Variants in SMARCC1 observed in about 807,000 individuals in gnomAD.
SMARCC1 encodes SWI/SNF complex subunit SMARCC1.
Under a neutral mutation model 147.4 loss-of-function variants are expected in SMARCC1, and 43 were observed. That is an observed-to-expected ratio of 0.29 (90% CI 0.23 to 0.38). The LOEUF is 0.38. Among genes scored for constraint, SMARCC1 ranks in the 10% least tolerant of loss-of-function variants. The pLI, the probability that SMARCC1 is intolerant of heterozygous loss-of-function variation, is 1.00. For synonymous variants in SMARCC1, 495 were observed against 484.4 expected (o/e 1.02, Z -0.29); for missense variants, 1,119 against 1,381.1 (o/e 0.81, Z 3.01).
chr3:47,654,671 T>C (rs1325368935), intron 21 of SMARCC1, among the ~76,000 whole-genome samples: 4 of 152,196 alleles, frequency 2.6e-5, no homozygotes, highest in Non-Finnish European at 4.4e-5. Flanking sequence ...TGTCGCAACA[T>C]GGCAGAGGAG....
intron 25 of SMARCC1, among the ~76,000 whole-genome samples, chr3:47,619,541 G>A (rs2032697306): frequency 1.3e-5 from 2 of 152,214 alleles, no homozygotes; most frequent in African/African-American, 4.8e-5. Flanking sequence ...GGGCCTTCTT[G>A]GCCAGAGAAG....
intron 11 of SMARCC1, among the ~76,000 whole-genome samples, chr3:47,697,975 T>A (rs2033873477): frequency 9.3e-6 from 1 of 107,858 alleles, no homozygotes; most frequent in African/African-American, 3.6e-5. Context: ...GCCACTGCAC[T>A]CCAGCCTGGG....
intron 19 of SMARCC1, chr3:47,664,043 G>C: frequency 1.7e-6 from 1 of 591,100 alleles, no homozygotes; most frequent in Non-Finnish European, 2.9e-6. Flanking sequence ...AGGCCCATGC[G>C]TCGTTGGGGG....
chr3:47,609,609 C>T (rs2032533765), intron 26 of SMARCC1, among the ~76,000 whole-genome samples: 1 of 152,142 alleles, frequency 6.6e-6, no homozygotes, highest in Non-Finnish European at 1.5e-5. Context: ...AATTTTGAAG[C>T]TGTCCAATAG....
rs575905712 is a variant in SMARCC1, at chr3:47,724,128, C to T, written c.647-3393G>A. On this transcript the variant is annotated intron_variant, in intron 6 of 27. Coordinates refer to ENST00000254480, the MANE Select transcript of SMARCC1 (RefSeq NM_003074.4). ...AACAATTAAAAACAGTATTACCATA[C>T]GATCTAGCAATTCCACTGCTGGGTA... Among the ~76,000 whole-genome samples the T allele has an allele frequency of 1.4e-4, 22 of 152,264 alleles. No individual in the cohort carries two copies. In the East Asian group the frequency reaches 3.9e-3, roughly 27 times the overall value.
chr3:47,729,362 A>G (rs969766828), intron 5 of SMARCC1, among the ~76,000 whole-genome samples: 2 of 152,172 alleles, frequency 1.3e-5, no homozygotes, highest in African/African-American at 4.8e-5. Context: ...CTGGGTATCC[A>G]TATCAGTAAT....
At chr3:47,737,713 G>A (rs762462731) in intron 4 of SMARCC1, among the ~76,000 whole-genome samples, 36 of 151,874 alleles carry the variant, frequency 2.4e-4, no homozygotes, top group African/African-American at 4.8e-5. Context: ...TGGAGTGCAG[G>A]GGCGCAATCT....
intron 4 of SMARCC1, among the ~76,000 whole-genome samples, chr3:47,737,220 C>T (rs1280934964): frequency 6.6e-6 from 1 of 152,012 alleles, no homozygotes; most frequent in African/African-American, 2.4e-5. Context: ...GGCAAAACCC[C>T]ATTTCTACAA....
intron 2 of SMARCC1, among the ~76,000 whole-genome samples, chr3:47,757,282 G>GA (rs1279848742): frequency 2.0e-5 from 3 of 151,888 alleles, no homozygotes; most frequent in Admixed American, 1.3e-4. Flanking sequence ...GAGAGAGAAA[G>GA]ACCAATGTGC....
intron 5 of SMARCC1, among the ~76,000 whole-genome samples, chr3:47,733,031 C>T (rs946248044): frequency 1.1e-4 from 17 of 151,152 alleles, no homozygotes; most frequent in Non-Finnish European, 1.9e-4. Flanking sequence ...TGCTTGAACC[C>T]GGGAGGTGGA....
chr3:47,600,987 G>C (rs1576383592), intron 26 of SMARCC1, among the ~76,000 whole-genome samples: 1 of 129,262 alleles, frequency 7.7e-6, no homozygotes, highest in Non-Finnish European at 1.6e-5. Context: ...CAGACAGGGA[G>C]AGGAAGAAAA....
At chr3:47,607,814 AG>A (rs1417870586) in intron 26 of SMARCC1, among the ~76,000 whole-genome samples, 1 of 152,192 alleles carries the variant, frequency 6.6e-6, no homozygotes, top group East Asian at 1.9e-4. Context: ...AAGCTGAGGC[AG>A]GGGGATTGCT....
At chr3:47,733,921 GTATATACA>G (rs1559657696) in intron 5 of SMARCC1, among the ~76,000 whole-genome samples, 1 of 146,210 alleles carries the variant, frequency 6.8e-6, no homozygotes, top group Non-Finnish European at 1.5e-5. Flanking sequence ...ATATGTGCTT[GTATATACA>G]TATATACAAG....
chr3:47,657,900 C>T, intron 21 of SMARCC1, among the ~76,000 whole-genome samples: 1 of 151,790 alleles, frequency 6.6e-6, no homozygotes, highest in East Asian at 1.9e-4. Context: ...AAAAGCAGTG[C>T]TGAGGGAAAT....
intron 24 of SMARCC1, among the ~76,000 whole-genome samples, chr3:47,631,501 C>T (rs1030868185): frequency 6.6e-6 from 1 of 152,118 alleles, no homozygotes; most frequent in Non-Finnish European, 1.5e-5. Context: ...CCTAAAGACC[C>T]AGATAGAAAG....
chr3:47,769,117 A>C (rs1244442664), intron 2 of SMARCC1, among the ~76,000 whole-genome samples: 1 of 145,452 alleles, frequency 6.9e-6, no homozygotes, highest in Non-Finnish European at 1.5e-5. Flanking sequence ...AGGCTGAGGC[A>C]TGAGAATTGC....
chr3:47,696,781 C>T (rs2033857498), intron 11 of SMARCC1, among the ~76,000 whole-genome samples: 1 of 152,138 alleles, frequency 6.6e-6, no homozygotes, highest in Non-Finnish European at 1.5e-5. Context: ...CCTTGACCTC[C>T]CAAAGTGGTG....
At chr3:47,771,117 G>C (rs1272204707) in intron 2 of SMARCC1, among the ~76,000 whole-genome samples, 1 of 152,070 alleles carries the variant, frequency 6.6e-6, no homozygotes, top group Non-Finnish European at 1.5e-5. Context: ...CACCTTGTTA[G>C]ACAGGATGTT....
intron 2 of SMARCC1, among the ~76,000 whole-genome samples, chr3:47,768,947 C>T (rs1264000169): frequency 1.3e-5 from 2 of 152,146 alleles, no homozygotes; most frequent in African/African-American, 4.8e-5. Context: ...CGGTGGCTCA[C>T]ATCTGTAATC....
Sources: allele counts gnomAD v4.1 joint callset (sites outside exome capture counted in the v4.1 genomes callset), GRCh38; gene constraint gnomAD v4.1.1; transcripts MANE v1.5; gene names NCBI Gene and HGNC (gene_info 2026-07-23, HGNC 2026-07-21).